The following LMBRD1 variants were observed in gnomAD, a reference collection of about 807,000 sequenced individuals.
LMBRD1 encodes lysosomal cobalamin transport escort protein LMBD1.
A neutral mutation model predicts 74.8 loss-of-function variants in LMBRD1; 64 were observed. The observed-to-expected ratio is 0.86, with a 90% CI of 0.70 to 1.05. The LOEUF (loss-of-function observed/expected upper bound fraction) is 1.05, where lower values mean the gene tolerates loss of function less well. Among genes scored for constraint, LMBRD1 ranks in the 50% least tolerant of loss-of-function variants. LMBRD1 has a pLI of 0.00. For missense variants in LMBRD1, 652 were observed against 645.9 expected (o/e 1.01, Z -0.10); for synonymous variants, 204 against 216.3 (o/e 0.94, Z 0.50).
In LMBRD1 at chr6:69,786,130, A is replaced by G. The variant is rs188446653; in HGVS notation, c.246+4166T>C. Reference sequence around the variant, plus strand: ...GATCTGGCCTTGCAGACTAAGCTCCATGAGAAAAGCAACCTCATTTGCCTT... The same window carrying G: ...GATCTGGCCTTGCAGACTAAGCTCCGTGAGAAAAGCAACCTCATTTGCCTT... On this transcript the variant is annotated intron_variant, in intron 2 of 15. Transcript: ENST00000649934. Among the ~76,000 whole-genome samples, 9 of 152,348 alleles carry G rather than the reference A, an allele frequency of 5.9e-5. No individual in the cohort carries two copies. The East Asian group carries it at 1.7e-3, about 29-fold the overall frequency.
intron 7 of LMBRD1, among the ~76,000 whole-genome samples, chr6:69,737,630 A>ATATGCCTATAAATCTATATGCC (rs1197050622): frequency 4.0e-5 from 6 of 150,200 alleles, no homozygotes; most frequent in Admixed American, 4.0e-4. Context: ...ATCTATAGGC[A>ATATGCCTATAAATCTATATGCC]TATAGATTTA....
intron 14 of LMBRD1, among the ~76,000 whole-genome samples, chr6:69,684,812 G>T (rs976069281): frequency 6.6e-6 from 1 of 152,018 alleles, no homozygotes; most frequent in Non-Finnish European, 1.5e-5. Flanking sequence ...TTCCCAGAAG[G>T]AAGTTTTCAG....
At chr6:69,748,752 TACAA>T (rs1292501001) in intron 5 of LMBRD1, among the ~76,000 whole-genome samples, 2 of 151,964 alleles carry the variant, frequency 1.3e-5, no homozygotes, top group African/African-American at 4.8e-5. Flanking sequence ...ATTTTAGAAG[TACAA>T]ACAAATAAGC....
intron 3 of LMBRD1, among the ~76,000 whole-genome samples, chr6:69,755,552 A>G (rs900503981): frequency 1.3e-5 from 2 of 151,678 alleles, no homozygotes; most frequent in African/African-American, 4.9e-5. Flanking sequence ...TACCTATGTA[A>G]CAAACCTGTA....
chr6:69,741,704 A>G (rs1368440273), intron 6 of LMBRD1, 85 bp downstream of exon 6: 2 of 872,742 alleles, frequency 2.3e-6, no homozygotes, highest in Non-Finnish European at 3.8e-6. Context: ...TAAATTCTTA[A>G]CAAAATACAA....
intron 14 of LMBRD1, among the ~76,000 whole-genome samples, chr6:69,688,208 T>A (rs1446917070): frequency 6.6e-6 from 1 of 152,130 alleles, no homozygotes; most frequent in Non-Finnish European, 1.5e-5. Context: ...TTCATTTTAG[T>A]CTGTTAAAAT....
intron 7 of LMBRD1, among the ~76,000 whole-genome samples, chr6:69,735,033 C>T (rs559964700): frequency 6.6e-6 from 1 of 152,270 alleles, no homozygotes; most frequent in Non-Finnish European, 1.5e-5. Context: ...GCTAGCTGAA[C>T]GCTTTTGTAT....
Position 69,796,928 on chromosome 6 carries a change from G to C in LMBRD1, c.-47C>G, listed in dbSNP as rs1469425510. On this transcript the variant is annotated 5_prime_UTR_variant, in exon 1 of 16. Transcript: ENST00000649934. ...ACCTGAGCGCCCGGGGTGGGGAAAG[G>C]GGAGGGGGAAAGGGGAGAGAGCGCG... is the stretch of plus-strand genomic sequence containing the variant. 1.3e-6 allele frequency: 2 copies of C among 1,562,310 alleles called. No homozygotes were observed. The highest frequency in any genetic ancestry group is 1.4e-5 in the African/African-American group (1 of 73,982).
At chr6:69,731,283 T>C (rs779870705) in intron 7 of LMBRD1, among the ~76,000 whole-genome samples, 8 of 152,094 alleles carry the variant, frequency 5.3e-5, no homozygotes, top group Non-Finnish European at 1.0e-4. Flanking sequence ...AATAATCTAT[T>C]GTATATTTCC....
intron 2 of LMBRD1, among the ~76,000 whole-genome samples, chr6:69,782,432 C>G (rs1389690876): frequency 2.0e-5 from 3 of 152,178 alleles, no homozygotes; most frequent in Non-Finnish European, 4.4e-5. Flanking sequence ...TTTATTCTAC[C>G]TGCAAGACCA....
At chr6:69,761,501 A>C (rs1765371881) in intron 3 of LMBRD1, among the ~76,000 whole-genome samples, 1 of 152,164 alleles carries the variant, frequency 6.6e-6, no homozygotes, top group African/African-American at 2.4e-5. Flanking sequence ...TAGAAAATCA[A>C]ATAATAAAAG....
intron 3 of LMBRD1, among the ~76,000 whole-genome samples, chr6:69,769,106 T>C (rs1017867976): frequency 7.2e-5 from 11 of 152,090 alleles, no homozygotes; most frequent in Non-Finnish European, 1.6e-4. Flanking sequence ...TCCTGCCCTC[T>C]TCTTTCTCTT....
chr6:69,693,755 T>C (rs1765937443), intron 14 of LMBRD1, among the ~76,000 whole-genome samples: 1 of 151,834 alleles, frequency 6.6e-6, no homozygotes, highest in South Asian at 2.1e-4. Context: ...TGGGGTGGCA[T>C]CCCTACCCTT....
At chr6:69,772,248 A>AT (rs1765591572) in intron 3 of LMBRD1, among the ~76,000 whole-genome samples, 1 of 152,210 alleles carries the variant, frequency 6.6e-6, no homozygotes, top group Non-Finnish European at 1.5e-5. Flanking sequence ...TCACCAAAGG[A>AT]TTAACTGAAA....
intron 3 of LMBRD1, among the ~76,000 whole-genome samples, chr6:69,755,380 G>A (rs4473825): frequency 0.48 from 72,383 of 151,084 alleles, 17,890 homozygotes; most frequent in African/African-American, 0.6. Context: ...GAGTTGAACA[G>A]TGAGAACACA....
intron 8 of LMBRD1, among the ~76,000 whole-genome samples, chr6:69,718,277 A>G (rs2149855969): frequency 6.6e-6 from 1 of 152,194 alleles, no homozygotes; most frequent in East Asian, 1.9e-4. Flanking sequence ...TTGAACATAA[A>G]TATTATAGTA....
intron 14 of LMBRD1, among the ~76,000 whole-genome samples, chr6:69,685,131 AGC>A (rs1184012095): frequency 7.6e-6 from 1 of 131,250 alleles, no homozygotes; most frequent in African/African-American, 2.5e-5. Flanking sequence ...GAAAAAAGAG[AGC>A]ACACACATGT....
intron 14 of LMBRD1, among the ~76,000 whole-genome samples, chr6:69,688,932 T>C (rs1765823392): frequency 1.3e-5 from 2 of 152,120 alleles, no homozygotes. Flanking sequence ...CTATTTAAAG[T>C]ATCTTCATTG....
chr6:69,700,729 T>G, intron 12 of LMBRD1, 36 bp downstream of exon 12: 1 of 1,327,960 alleles, frequency 7.5e-7, no homozygotes, highest in East Asian at 2.7e-5. Context: ...ACACACAAAA[T>G]GATGAGAAAA....
Sources: gnomAD v4.1 joint callset for allele counts (sites outside exome capture counted in the v4.1 genomes callset) on GRCh38, gnomAD v4.1.1 for gene constraint, MANE v1.5 for transcripts, NCBI Gene and HGNC (gene_info 2026-07-23, HGNC 2026-07-21) for gene names.